PCCB: variants seen among roughly 807,000 people sequenced by gnomAD.
The protein encoded by PCCB is propionyl-CoA carboxylase subunit beta.
A neutral mutation model predicts 60.7 loss-of-function variants in PCCB; 43 were observed. The observed-to-expected ratio is 0.71, with a 90% CI of 0.55 to 0.91. The LOEUF (loss-of-function observed/expected upper bound fraction) is 0.91. PCCB is among the 40% of genes least tolerant of loss of function. PCCB has a pLI of 0.00. For synonymous variants in PCCB, 276 were observed against 255.9 expected (o/e 1.08, Z -0.75); for missense variants, 766 against 702.8 (o/e 1.09, Z -1.02).
rs1935480753 is a variant in PCCB at position 136,329,943 on chromosome 3, G to A, written c.1537G>A (p.Ala513Thr). Reference protein sequence around the residue: ...DDIIQPSSTRARICCDLDVLA... With the variant: ...DDIIQPSSTRTRICCDLDVLA... The stretch of plus-strand genomic sequence containing the variant: ...CATCATCCAACCTTCTTCCACACGT[G>A]CCCGAATCTGCTGTGACCTGGATGT... Residue 513 changes from alanine to threonine, a missense_variant, in exon 15 of 15, where the codon GCC becomes ACC. By Grantham distance (58) the Ala-to-Thr change is moderately conservative. Transcript: ENST00000251654. The A allele has an allele frequency of 6.2e-7, 1 of 1,614,162 alleles. No individual in the cohort carries two copies. The highest frequency in any genetic ancestry group is 1.3e-5 in the African/African-American group (1 of 75,054).
chr3:136,327,943 G>A (rs1935391387), intron 13 of PCCB, among the ~76,000 whole-genome samples: 1 of 152,134 alleles, frequency 6.6e-6, no homozygotes, highest in East Asian at 1.9e-4. Flanking sequence ...TCAGGCCCAC[G>A]CTGGTGTCTT....
Position 136,275,346 on chromosome 3 carries a change from T to A in PCCB, c.544-8491T>A, listed in dbSNP as rs549049229. On this transcript the variant is annotated intron_variant, in intron 5 of 14. Transcript: ENST00000251654. ...CATATTCTGAATTGTTTTTTAAGTT[T>A]TTTTTTTATGTTGGTTTTCACCTTT... is the stretch of plus-strand genomic sequence containing the variant. 1.9e-4 allele frequency among the ~76,000 whole-genome samples: 29 copies of A among 152,238 alleles called. No individual in the cohort carries two copies. The South Asian group carries it at 5.8e-3, about 30-fold the overall frequency.
chr3:136,258,032 T>C (rs372999035), intron 3 of PCCB, among the ~76,000 whole-genome samples: 20 of 152,264 alleles, frequency 1.3e-4, no homozygotes, highest in African/African-American at 4.1e-4. Context: ...GTTTTAAAAC[T>C]GTTATAAATT....
intron 5 of PCCB, among the ~76,000 whole-genome samples, chr3:136,263,681 CTG>C (rs908123479): frequency 4.6e-5 from 7 of 152,002 alleles, no homozygotes; most frequent in Admixed American, 4.6e-4. Flanking sequence ...TTATTCCTGC[CTG>C]TGTTATTTTT....
intron 9 of PCCB, among the ~76,000 whole-genome samples, chr3:136,311,019 G>C (rs186712941): frequency 1.3e-5 from 2 of 152,078 alleles, no homozygotes; most frequent in South Asian, 2.1e-4. Context: ...AACAAGTATA[G>C]GATGCCCATT....
chr3:136,263,590 G>T (rs1251116250), intron 5 of PCCB, among the ~76,000 whole-genome samples: 1 of 152,040 alleles, frequency 6.6e-6, no homozygotes, highest in East Asian at 1.9e-4. Flanking sequence ...TTGTTTTCAA[G>T]GGCTAGTCTT....
At chr3:136,299,765 T>C (rs915467175) in intron 8 of PCCB, among the ~76,000 whole-genome samples, 7 of 151,228 alleles carry the variant, frequency 4.6e-5, no homozygotes, top group Non-Finnish European at 1.0e-4. Context: ...TGTGTGTATG[T>C]ATAGGTATGC....
chr3:136,296,841 A>G (rs1398747272), intron 7 of PCCB, among the ~76,000 whole-genome samples: 1 of 151,396 alleles, frequency 6.6e-6, no homozygotes, highest in Non-Finnish European at 1.5e-5. Flanking sequence ...AAAAGAAACA[A>G]AACAAAACAA....
Position 136,293,833 on chromosome 3 carries a change from CGGT to C in PCCB, c.737_739del (p.Gly246del), listed in dbSNP as rs1553778892. On this transcript the variant is annotated inframe_deletion, in exon 7 of 15. Coordinates refer to ENST00000251654, the MANE Select transcript of PCCB (RefSeq NM_000532.5). The stretch of plus-strand genomic sequence containing the variant: ...ATGAGGATGTTACCCAGGAGGAGCT[CGGT>C]GGTGCCAAGACCCACACCACCATGT... 6.2e-7 allele frequency: 1 copy of C among 1,611,288 alleles called. No homozygotes were observed. Among genetic ancestry groups the C allele is most frequent in the Non-Finnish European group, 8.5e-7 (1 of 1,177,526 alleles).
chr3:136,299,997 C>T (rs969820112), intron 8 of PCCB, among the ~76,000 whole-genome samples: 14 of 151,556 alleles, frequency 9.2e-5, no homozygotes, highest in Admixed American at 3.9e-4. Context: ...TGTATATATG[C>T]ATACCCACAC....
intron 5 of PCCB, among the ~76,000 whole-genome samples, chr3:136,263,080 G>A (rs955590821): frequency 2.0e-5 from 3 of 149,378 alleles, no homozygotes; most frequent in Admixed American, 6.8e-5. Context: ...TCAGCCTCCC[G>A]AGTGGCTGGG....
At chr3:136,268,065 CGTGTGT>C (rs111625326) in intron 5 of PCCB, among the ~76,000 whole-genome samples, 2 of 78,434 alleles carry the variant, frequency 2.5e-5, no homozygotes, top group Non-Finnish European at 4.9e-5. Context: ...TGTGTGTGTG[CGTGTGT>C]GTGTGTGTGT....
At chr3:136,255,831 C>CT (rs1229117439) in intron 1 of PCCB, 25 bp from the exon 2 acceptor site, 1 of 1,607,956 alleles carries the variant, frequency 6.2e-7, no homozygotes, top group East Asian at 2.2e-5. Context: ...GATGACATCA[C>CT]TGAGTGATCT....
chr3:136,329,926 A>T lies in PCCB; in HGVS notation c.1520A>T (p.Gln507Leu). 6.2e-7 allele frequency: 1 copy of T among 1,614,174 alleles called. No homozygotes were observed. The highest frequency in any genetic ancestry group is 1.1e-5 in the South Asian group (1 of 91,076). The change falls in exon 15 of 15, where the codon CAA (glutamine) becomes CTA (leucine). Residue 507 changes from glutamine to leucine, a missense_variant. Gln to Leu is a moderately radical substitution (Grantham distance 113). Transcript: ENST00000251654. Reference sequence around the variant, plus strand: ...CCAGGGTTTGTGGATGACATCATCCAACCTTCTTCCACACGTGCCCGAATC... The same window carrying T: ...CCAGGGTTTGTGGATGACATCATCCTACCTTCTTCCACACGTGCCCGAATC... ...AVRGFVDDIIQPSSTRARICC... is the reference protein window; with the variant it reads ...AVRGFVDDIILPSSTRARICC...
intron 1 of PCCB, among the ~76,000 whole-genome samples, chr3:136,254,442 G>A (rs1941608936): frequency 1.4e-5 from 2 of 145,216 alleles, no homozygotes; most frequent in African/African-American, 2.5e-5. Context: ...GGATGGTCTC[G>A]ATCTCCTGAC....
intron 9 of PCCB, among the ~76,000 whole-genome samples, chr3:136,313,576 G>A (rs1576350203): frequency 1.3e-5 from 2 of 152,160 alleles, no homozygotes; most frequent in East Asian, 1.9e-4. Flanking sequence ...TAATAACAGG[G>A]TAGGTGGGAC....
At chr3:136,327,103 G>A (rs777081339) in intron 11 of PCCB, 52 bp from the exon 12 acceptor site, 23 of 1,524,240 alleles carry the variant, frequency 1.5e-5, no homozygotes, top group Non-Finnish European at 1.7e-5. Context: ...GAGAGTGGCA[G>A]GATAACCATG....
At chr3:136,254,442 G>C (rs1941608936) in intron 1 of PCCB, among the ~76,000 whole-genome samples, 1 of 145,216 alleles carries the variant, frequency 6.9e-6, no homozygotes. Flanking sequence ...GGATGGTCTC[G>C]ATCTCCTGAC....
chr3:136,306,619 G>A (rs1934457803), intron 9 of PCCB, among the ~76,000 whole-genome samples: 1 of 122,204 alleles, frequency 8.2e-6, no homozygotes. Context: ...CATGTACGTT[G>A]TACATATATG....
Sources: allele counts gnomAD v4.1 joint callset (sites outside exome capture counted in the v4.1 genomes callset), GRCh38; gene constraint gnomAD v4.1.1; transcripts MANE v1.5; gene names NCBI Gene and HGNC (gene_info 2026-07-23, HGNC 2026-07-21).